Variants in DHX9 observed in about 807,000 individuals in gnomAD.
DHX9 encodes the protein DExH-box helicase 9, also known as ATP-dependent RNA helicase A.
Under a neutral mutation model 148.7 loss-of-function variants are expected in DHX9, and 27 were observed. The ratio of observed to expected loss-of-function variants is 0.18; its 90% CI spans 0.13 to 0.25. The LOEUF (loss-of-function observed/expected upper bound fraction) is 0.25, where lower values mean the gene tolerates loss of function less well. Ranked by LOEUF, DHX9 falls within the 10% of genes least tolerant of loss-of-function variation. The pLI is 1.00. For missense variants in DHX9, 796 were observed against 1,559.6 expected, an observed-to-expected ratio of 0.51 and a Z score of 8.25; for synonymous variants, 529 against 516.6, an observed-to-expected ratio of 1.02 and a Z score of -0.33.
chr1:182,853,718 TAAAA>T (rs1012888666), intron 5 of DHX9, among the ~76,000 whole-genome samples: 2 of 151,456 alleles, frequency 1.3e-5, no homozygotes, highest in Non-Finnish European at 1.5e-5. Flanking sequence ...GCACTTAGAG[TAAAA>T]AAAAGTCTTT....
In DHX9 at chr1:182,843,654, T is replaced by G. The variant is rs576424422; in HGVS notation, c.252+220T>G. ...GTCTTAGGGGCTTGAGAAATTCCAT[T>G]AATCTTTGTGTCTTATGGCTTTATT... is the stretch of plus-strand genomic sequence containing the variant. On this transcript the variant is annotated intron_variant, in intron 3 of 27. Coordinates refer to ENST00000367549, the MANE Select transcript of DHX9 (RefSeq NM_001357.5). 2.0e-5 allele frequency among the ~76,000 whole-genome samples: 3 copies of G among 152,314 alleles called. No individual in the cohort carries two copies. In the East Asian group the frequency reaches 5.8e-4, roughly 29 times the overall value.
chr1:182,882,283 A>G (rs1402462377), intron 24 of DHX9, among the ~76,000 whole-genome samples: 1 of 152,210 alleles, frequency 6.6e-6, no homozygotes, highest in Non-Finnish European at 1.5e-5. Context: ...CAAGGTATAA[A>G]TTGTCTTTAA....
At chr1:182,885,558 T>C (rs1465965148) in intron 27 of DHX9, among the ~76,000 whole-genome samples, 4 of 152,234 alleles carry the variant, frequency 2.6e-5, no homozygotes, top group Non-Finnish European at 5.9e-5. Flanking sequence ...TACTATAATA[T>C]ACTAAGGTAC....
At chr1:182,841,968 C>T (rs1667940186) in intron 1 of DHX9, among the ~76,000 whole-genome samples, 1 of 152,128 alleles carries the variant, frequency 6.6e-6, no homozygotes, top group Non-Finnish European at 1.5e-5. Context: ...TAATACATGG[C>T]CTACAACTTT....
intron 6 of DHX9, among the ~76,000 whole-genome samples, chr1:182,854,385 G>A (rs561977841): frequency 6.6e-6 from 1 of 152,330 alleles, no homozygotes; most frequent in East Asian, 1.9e-4. Context: ...AGCTGTGTAA[G>A]AAGTTCAGCG....
intron 21 of DHX9, among the ~76,000 whole-genome samples, chr1:182,880,226 T>C (rs1456630699): frequency 1.3e-5 from 2 of 152,214 alleles, no homozygotes; most frequent in Admixed American, 6.5e-5. Flanking sequence ...GCTGCTATTA[T>C]AGTTAATACT....
In DHX9 at chr1:182,881,543, T is replaced by G; in HGVS notation, c.2810T>G (p.Ile937Arg). Residue 937 changes from isoleucine (I) to arginine (R), a missense_variant, in exon 24 of 28, where the codon ATA becomes AGA. This residue lies in a region of DHX9 where 122 missense variants were observed against 289.3 expected (regional missense o/e 0.42). Coordinates refer to ENST00000367549, the MANE Select transcript of DHX9 (RefSeq NM_001357.5). Reference protein sequence around the residue: ...DARMGGEEAEIRFCEHKRLNM... With the variant: ...DARMGGEEAERRFCEHKRLNM... ...AGAATGGGTGGAGAAGAAGCAGAGA[T>G]ACGTTTTTGTGAGCACAAAAGACTT... 6.2e-7 allele frequency: 1 copy of G among 1,612,782 alleles called. No homozygotes were observed. The highest frequency in any genetic ancestry group is 8.5e-7 in the Non-Finnish European group (1 of 1,179,656).
chr1:182,884,892 A>G (rs1557981530), intron 27 of DHX9, 79 bp downstream of exon 27: 1 of 1,361,918 alleles, frequency 7.3e-7, no homozygotes, highest in East Asian at 2.3e-5. Context: ...GAAGTTAGTG[A>G]TAGAAGCCCT....
At position 182,883,737 on chromosome 1, in the gene DHX9, C is replaced by G. The variant is rs1649193775; in HGVS notation, c.3260+102C>G. ...TTAATTATATACTAATTATATCTAA[C>G]TTAATTATATACTATATACTTAATC... On this transcript the variant is annotated intron_variant, in intron 26 of 27. Coordinates refer to ENST00000367549, the MANE Select transcript of DHX9 (RefSeq NM_001357.5). 1.4e-5 allele frequency: 10 copies of G among 728,598 alleles called. No individual in the cohort carries two copies. In the Admixed American group the frequency reaches 2.6e-4, roughly 19 times the overall value. 45.1% of individuals were successfully genotyped at this position (728,598 alleles called of 1,614,324 possible).
At chr1:182,869,559 A>G (rs541194987) in intron 14 of DHX9, among the ~76,000 whole-genome samples, 70 of 152,172 alleles carry the variant, frequency 4.6e-4, no homozygotes, top group African/African-American at 1.6e-3. Context: ...GACCGGTCTT[A>G]TCTGGTCCTG....
At chr1:182,880,148 C>G (rs1447524641) in intron 21 of DHX9, among the ~76,000 whole-genome samples, 1 of 152,110 alleles carries the variant, frequency 6.6e-6, no homozygotes, top group Non-Finnish European at 1.5e-5. Flanking sequence ...AGAATTTTCT[C>G]TAGATTTTAT....
chr1:182,856,701 C>A, intron 7 of DHX9, 123 bp downstream of exon 7: 2 of 743,874 alleles, frequency 2.7e-6, no homozygotes, highest in South Asian at 3.8e-5. Context: ...TGTAAGATAG[C>A]ATCTAGGGTA....
At chr1:182,869,816 C>T (rs1648483307) in intron 14 of DHX9, among the ~76,000 whole-genome samples, 1 of 152,320 alleles carries the variant, frequency 6.6e-6, no homozygotes, top group East Asian at 1.9e-4. Flanking sequence ...CCGAACTGGT[C>T]TCAAACTCCT....
chr1:182,878,861 G>C (rs1250367368), intron 20 of DHX9, among the ~76,000 whole-genome samples: 1 of 152,216 alleles, frequency 6.6e-6, no homozygotes, highest in Non-Finnish European at 1.5e-5. Context: ...ACATGAACTA[G>C]GAAGGTGGGA....
At chr1:182,859,543 T>G (rs1421185206) in intron 11 of DHX9, among the ~76,000 whole-genome samples, 1 of 152,156 alleles carries the variant, frequency 6.6e-6, no homozygotes, top group African/African-American at 2.4e-5. Context: ...CATTCTTTTT[T>G]GAAAAAAACA....
chr1:182,859,622 T>G (rs1668320530), intron 11 of DHX9, among the ~76,000 whole-genome samples: 1 of 152,120 alleles, frequency 6.6e-6, no homozygotes, highest in Non-Finnish European at 1.5e-5. Context: ...TTTTGTTTGT[T>G]TTTTTCTTGA....
At chr1:182,841,934 T>C (rs1667939564) in intron 1 of DHX9, among the ~76,000 whole-genome samples, 2 of 152,250 alleles carry the variant, frequency 1.3e-5, no homozygotes, top group Non-Finnish European at 2.9e-5. Context: ...GAGTGCTTAA[T>C]GTATTTGAAC....
intron 5 of DHX9, among the ~76,000 whole-genome samples, chr1:182,853,636 T>C (rs976848291): frequency 6.6e-6 from 1 of 152,210 alleles, no homozygotes; most frequent in Non-Finnish European, 1.5e-5. Flanking sequence ...ATTTTTTTCT[T>C]GGTAGTAATA....
Position 182,860,194 on chromosome 1 carries a change from A to G in DHX9, c.1332+10A>G. The stretch of plus-strand genomic sequence containing the variant: ...CATCGTAGTAACTCAGGTAAGTGGT[A>G]AACCAACCATGAAATACCTAGAGAG... On this transcript the variant is annotated intron_variant, in intron 12 of 27. Transcript: ENST00000367549. 6.4e-7 allele frequency: 1 copy of G among 1,564,724 alleles called. No individual in the cohort carries two copies.
Sources: gnomAD v4.1 joint callset for allele counts (sites outside exome capture counted in the v4.1 genomes callset) on GRCh38, gnomAD v4.1.1 for gene constraint, gnomAD v4.1.1 regional missense constraint, MANE v1.5 for transcripts, NCBI Gene and HGNC (gene_info 2026-07-23, HGNC 2026-07-21) for gene names.